Variants in CNTN1 observed in about 807,000 individuals in gnomAD.
CNTN1 encodes the protein contactin 1.
In CNTN1, 38 loss-of-function variants were observed where a neutral mutation model predicts 126.4. The ratio of observed to expected loss-of-function variants is 0.30; its 90% confidence interval spans 0.23 to 0.39. The LOEUF is 0.39. Ranked by LOEUF, CNTN1 falls within the 10% of genes least tolerant of loss-of-function variation. The pLI, the probability that CNTN1 is intolerant of heterozygous loss-of-function variation, is 1.00. For missense variants in CNTN1, 1,009 were observed against 1,248.4 expected (o/e 0.81, Z 2.89); for synonymous variants, 413 against 422.6 (o/e 0.98, Z 0.28).
intron 15 of CNTN1, among the ~76,000 whole-genome samples, chr12:40,970,402 A>T (rs554221348): frequency 1.3e-5 from 2 of 152,256 alleles, no homozygotes; most frequent in South Asian, 4.1e-4. Context: ...AAAATGTCAA[A>T]TGTCTTACGA....
chr12:40,743,610 T>G (rs541810748), intron 1 of CNTN1, among the ~76,000 whole-genome samples: 1 of 152,234 alleles, frequency 6.6e-6, no homozygotes, highest in South Asian at 2.1e-4. Flanking sequence ...TTTTGAGAAG[T>G]GTTTGTTTAT....
chr12:40,747,439 C>T (rs1424080607), intron 1 of CNTN1, among the ~76,000 whole-genome samples: 1 of 151,792 alleles, frequency 6.6e-6, no homozygotes, highest in East Asian at 1.9e-4. Context: ...TAAAATACAA[C>T]ATGCCAGGAG....
chr12:40,724,992 A>G (rs1476158254), intron 1 of CNTN1, among the ~76,000 whole-genome samples: 1 of 152,238 alleles, frequency 6.6e-6, no homozygotes, highest in East Asian at 1.9e-4. Context: ...GACCAAAATT[A>G]CAAAAGACAA....
chr12:40,968,193 G>C (rs1252066644), intron 15 of CNTN1, among the ~76,000 whole-genome samples: 1 of 152,082 alleles, frequency 6.6e-6, no homozygotes, highest in Non-Finnish European at 1.5e-5. Context: ...CCAGCTCATG[G>C]CTGTAGCACA....
intron 1 of CNTN1, among the ~76,000 whole-genome samples, chr12:40,876,674 A>G (rs900714954): frequency 1.3e-5 from 2 of 152,144 alleles, no homozygotes; most frequent in Admixed American, 6.5e-5. Context: ...TTTTATACCA[A>G]AACATTTCCT....
At chr12:41,049,841 G>A (rs1249256896) in intron 23 of CNTN1, among the ~76,000 whole-genome samples, 1 of 152,150 alleles carries the variant, frequency 6.6e-6, no homozygotes, top group East Asian at 1.9e-4. Flanking sequence ...GAAAACATAA[G>A]CCTGTTTATT....
At chr12:41,001,545 G>T (rs1948360399) in intron 17 of CNTN1, among the ~76,000 whole-genome samples, 1 of 151,982 alleles carries the variant, frequency 6.6e-6, no homozygotes, top group Non-Finnish European at 1.5e-5. Context: ...CCATTCTCTA[G>T]GTTGTCTGTT....
intron 1 of CNTN1, among the ~76,000 whole-genome samples, chr12:40,839,338 C>T (rs907206672): frequency 6.7e-6 from 1 of 149,608 alleles, no homozygotes; most frequent in African/African-American, 2.4e-5. Flanking sequence ...GAAGAAACAA[C>T]AACAAAAAGA....
intron 23 of CNTN1, among the ~76,000 whole-genome samples, chr12:41,054,942 C>A (rs1191742585): frequency 2.0e-5 from 3 of 152,074 alleles, no homozygotes. Context: ...TAGACGAAAT[C>A]CAACATTGCA....
At chr12:40,798,345 GT>G (rs1448553819) in intron 1 of CNTN1, among the ~76,000 whole-genome samples, 1 of 151,910 alleles carries the variant, frequency 6.6e-6, no homozygotes, top group Non-Finnish European at 1.5e-5. Flanking sequence ...ACTATCTTTT[GT>G]TTTCCTATAC....
chr12:40,971,765 A>G, intron 15 of CNTN1: 1 of 1,227,804 alleles, frequency 8.1e-7, no homozygotes, highest in South Asian at 2.1e-5. Flanking sequence ...GGCCAAGTGA[A>G]AGTTTTGTGT....
intron 4 of CNTN1, 89 bp from the exon 5 acceptor site, chr12:40,922,167 G>A (rs549167768): frequency 1.2e-4 from 135 of 1,107,110 alleles, no homozygotes; most frequent in Middle Eastern, 2.3e-4. Context: ...ACATGGAGCC[G>A]TACCCAAATT....
At chr12:40,768,769 C>A (rs1489884314) in intron 1 of CNTN1, among the ~76,000 whole-genome samples, 2 of 152,180 alleles carry the variant, frequency 1.3e-5, no homozygotes, top group African/African-American at 4.8e-5. Context: ...TCTCTGAATG[C>A]AAAGTGAGAA....
At chr12:41,037,884 A>G (rs1054194591) in intron 23 of CNTN1, among the ~76,000 whole-genome samples, 2 of 152,146 alleles carry the variant, frequency 1.3e-5, no homozygotes, top group African/African-American at 4.8e-5. Context: ...TAGGCCAGAC[A>G]TGGTGGCTCA....
chr12:41,047,911 A>G (rs927948777), intron 23 of CNTN1, among the ~76,000 whole-genome samples: 6 of 151,920 alleles, frequency 3.9e-5, no homozygotes, highest in Non-Finnish European at 8.8e-5. Context: ...CAGACTCCCA[A>G]AAGTTTTTGA....
At chr12:41,022,485 G>A (rs1000234653) in intron 20 of CNTN1, among the ~76,000 whole-genome samples, 1 of 152,180 alleles carries the variant, frequency 6.6e-6, no homozygotes, top group Non-Finnish European at 1.5e-5. Context: ...CCTATAAAGT[G>A]AGAAAGTAAC....
intron 1 of CNTN1, among the ~76,000 whole-genome samples, chr12:40,801,865 G>A (rs1164242923): frequency 6.6e-6 from 1 of 151,718 alleles, no homozygotes; most frequent in Non-Finnish European, 1.5e-5. Context: ...AAGCAGGAGT[G>A]TGAATACGGG....
intron 1 of CNTN1, among the ~76,000 whole-genome samples, chr12:40,822,145 A>C (rs543399938): frequency 6.3e-4 from 57 of 90,822 alleles, no homozygotes; most frequent in African/African-American, 1.9e-3. Context: ...ACAAAATATA[A>C]ATCTTTTTTT....
chr12:40,962,979 A>G (rs927959356), intron 15 of CNTN1, among the ~76,000 whole-genome samples: 2 of 152,194 alleles, frequency 1.3e-5, no homozygotes, highest in African/African-American at 4.8e-5. Context: ...TCTAACATAT[A>G]AAATCGAAGA....
Sources: allele counts gnomAD v4.1 joint callset (sites outside exome capture counted in the v4.1 genomes callset), GRCh38; gene constraint gnomAD v4.1.1; transcripts MANE v1.5; gene names NCBI Gene and HGNC (gene_info 2026-07-23, HGNC 2026-07-21).